SEMA4A: variants seen among roughly 807,000 people sequenced by gnomAD.
SEMA4A encodes semaphorin-4A.
SEMA4A carries 52 observed loss-of-function variants against 72.5 expected under a neutral mutation model. The ratio of observed to expected loss-of-function variants is 0.72; its 90% CI spans 0.57 to 0.90. SEMA4A has a LOEUF of 0.90. SEMA4A is among the 40% of genes least tolerant of loss of function. The pLI, the probability that SEMA4A is intolerant of heterozygous loss-of-function variation, is 0.00. For synonymous variants in SEMA4A, 369 were observed against 393.1 expected (o/e 0.94, Z 0.73); for missense variants, 926 against 959.7 (o/e 0.96, Z 0.46).
chr1:156,161,190 G>A (rs2102958471), intron 8 of SEMA4A, 156 bp from the exon 9 acceptor site: 1 of 466,680 alleles, frequency 2.1e-6, no homozygotes, highest in South Asian at 3.4e-5. Flanking sequence ...CTGGGCGGGT[G>A]GGGCGGGGGA....
At chr1:156,159,937 AAG>A (rs917177517) in intron 6 of SEMA4A, among the ~76,000 whole-genome samples, 18 of 148,468 alleles carry the variant, frequency 1.2e-4, no homozygotes, top group Non-Finnish European at 2.7e-4. Context: ...AAAAAAAAAA[AAG>A]GGAGAGAGAA....
chr1:156,163,387 C>A, intron 10 of SEMA4A: 1 of 418,606 alleles, frequency 2.4e-6, no homozygotes, highest in Non-Finnish European at 4.4e-6. Context: ...CAAGGACTGT[C>A]TTGGGCATTG....
intron 10 of SEMA4A, among the ~76,000 whole-genome samples, chr1:156,171,795 T>A (rs1654804310): frequency 6.6e-6 from 1 of 151,596 alleles, no homozygotes; most frequent in Admixed American, 6.6e-5. Flanking sequence ...TTATTTATTT[T>A]GTTTTTGAGA....
rs1007850766 is a variant in SEMA4A at position 156,164,991 on chromosome 1, G to A, written c.1134+1897G>A. On this transcript the variant is annotated intron_variant, in intron 10 of 14. Coordinates refer to ENST00000368285, the MANE Select transcript of SEMA4A (RefSeq NM_022367.4). ...AATTTTTGTAATTTTAGTAGAGATGGGGTTTCACCATGTTGGCCAGACTGG... is the reference window on the plus strand; with the variant it reads ...AATTTTTGTAATTTTAGTAGAGATGAGGTTTCACCATGTTGGCCAGACTGG... Among the ~76,000 whole-genome samples, 5 of 151,680 alleles carry A rather than the reference G, an allele frequency of 3.3e-5. No homozygotes were observed. The East Asian group carries it at 9.7e-4, about 29-fold the overall frequency.
intron 10 of SEMA4A, among the ~76,000 whole-genome samples, chr1:156,169,281 C>T (rs966278538): frequency 6.6e-6 from 1 of 152,020 alleles, no homozygotes; most frequent in African/African-American, 2.4e-5. Flanking sequence ...CTCTCTCTCT[C>T]TCTCTTTCTC....
intron 10 of SEMA4A, among the ~76,000 whole-genome samples, chr1:156,168,105 G>A (rs928702747): frequency 2.0e-5 from 3 of 151,846 alleles, no homozygotes. Flanking sequence ...TGTATTTTTA[G>A]TAGAGATGGG....
chr1:156,166,389 T>C (rs80319734), intron 10 of SEMA4A, among the ~76,000 whole-genome samples: 1 of 152,330 alleles, frequency 6.6e-6, no homozygotes, highest in East Asian at 1.9e-4. Flanking sequence ...CACATGCTAC[T>C]ATTCTGGGCA....
intron 12 of SEMA4A, 55 bp downstream of exon 12, chr1:156,174,995 CT>C: frequency 6.2e-7 from 1 of 1,614,186 alleles, no homozygotes; most frequent in Non-Finnish European, 8.5e-7. Context: ...CCTTGGGGGC[CT>C]GTTGGGCTGG....
In SEMA4A at chr1:156,177,173, C is replaced by A; in HGVS notation, c.*176C>A. ...CAGCAGGGTGATGCACAGCAGTCTG[C>A]CTCCCCTATGGGACTCCCTTCTACC... On this transcript the variant is annotated 3_prime_UTR_variant, in exon 15 of 15. Coordinates refer to ENST00000368285, the MANE Select transcript of SEMA4A (RefSeq NM_022367.4). The A allele has an allele frequency of 1.4e-6, 1 of 695,640 alleles. No homozygotes were observed. Among genetic ancestry groups the A allele is most frequent in the Non-Finnish European group, 2.6e-6 (1 of 390,598 alleles). The allele number at this position is 695,640 out of a possible 1,614,324, so 43.1% of individuals were successfully genotyped here.
At chr1:156,169,505 C>T (rs1224789028) in intron 10 of SEMA4A, among the ~76,000 whole-genome samples, 3 of 148,876 alleles carry the variant, frequency 2.0e-5, no homozygotes, top group Admixed American at 6.7e-5. Flanking sequence ...CTGCAAGCTC[C>T]GCCTCCCAGG....
At chr1:156,163,403 T>TG (rs1429554156) in intron 10 of SEMA4A, 1 of 365,924 alleles carries the variant, frequency 2.7e-6, no homozygotes, top group Non-Finnish European at 5.1e-6. Context: ...CATTGCCACC[T>TG]GCATTTATTT....
chr1:156,172,678 A>G, intron 10 of SEMA4A, 148 bp from the exon 11 acceptor site: 1 of 776,122 alleles, frequency 1.3e-6, no homozygotes, highest in Non-Finnish European at 2.2e-6. Context: ...ACGCACAATC[A>G]GGCAGCTCCA....
chr1:156,159,364 C>CAG (rs371185764), intron 6 of SEMA4A, among the ~76,000 whole-genome samples: 5 of 151,294 alleles, frequency 3.3e-5, no homozygotes, highest in African/African-American at 7.3e-5. Flanking sequence ...ATGCAGAGGA[C>CAG]AGAGAGAGAG....
upstream of SEMA4A, among the ~76,000 whole-genome samples, chr1:156,152,628 C>A (rs1296471029): frequency 2.0e-5 from 3 of 152,042 alleles, no homozygotes; most frequent in African/African-American, 4.8e-5. Context: ...TGAGACCAAC[C>A]CCCGGGGAAA....
At chr1:156,159,344 A>G (rs1653363489) in intron 6 of SEMA4A, among the ~76,000 whole-genome samples, 1 of 152,082 alleles carries the variant, frequency 6.6e-6, no homozygotes. Context: ...AAAACAAAAC[A>G]AAACAGAAAA....
chr1:156,154,391 G>A (rs899869824), intron 1 of SEMA4A, 159 bp from the exon 2 acceptor site: 47 of 659,768 alleles, frequency 7.1e-5, no homozygotes, highest in South Asian at 4.5e-4. Context: ...AAGTGAGACC[G>A]TCTTAGGGCC....
intron 10 of SEMA4A, among the ~76,000 whole-genome samples, chr1:156,170,297 C>CT (rs1654579444): frequency 6.6e-6 from 1 of 151,712 alleles, no homozygotes; most frequent in Non-Finnish European, 1.5e-5. Context: ...AACCCCGTCT[C>CT]TACTAAAAAT....
intron 10 of SEMA4A, among the ~76,000 whole-genome samples, chr1:156,171,820 G>T (rs1201018750): frequency 6.6e-6 from 1 of 151,862 alleles, no homozygotes; most frequent in East Asian, 1.9e-4. Context: ...GTCTCACTCT[G>T]TCGCCCAAGC....
intron 14 of SEMA4A, among the ~76,000 whole-genome samples, chr1:156,175,944 T>A (rs1655284012): frequency 6.6e-6 from 1 of 151,030 alleles, no homozygotes; most frequent in East Asian, 1.9e-4. Context: ...TAAGGAGGAG[T>A]GAAATTTGAG....
Sources: allele counts gnomAD v4.1 joint callset (sites outside exome capture counted in the v4.1 genomes callset), GRCh38; gene constraint gnomAD v4.1.1; transcripts MANE v1.5; gene names NCBI Gene and HGNC (gene_info 2026-07-23, HGNC 2026-07-21).